PLCG2: variants seen among roughly 807,000 people sequenced by gnomAD.
PLCG2 encodes the protein phospholipase C gamma 2.
A neutral mutation model predicts 175.6 loss-of-function variants in PLCG2; 69 were observed. That is an observed-to-expected ratio of 0.39 (90% CI 0.32 to 0.48). PLCG2 has a LOEUF of 0.48. PLCG2 is among the 20% of genes least tolerant of loss of function. The probability of loss-of-function intolerance (pLI) is 0.91; values close to 1 mark genes in which losing one functional copy is unlikely to be tolerated. For synonymous variants in PLCG2, 827 were observed against 624.0 expected (o/e 1.33, Z -4.85); for missense variants, 1,798 against 1,650.9 (o/e 1.09, Z -1.54).
At chr16:81,776,520 G>C (rs1252313284), upstream of PLCG2, among the ~76,000 whole-genome samples, 1 of 152,132 alleles carries the variant, frequency 6.6e-6, no homozygotes, top group Admixed American at 6.5e-5. Flanking sequence ...TTACATTAGA[G>C]TCCTCCCAGA....
rs1343112968 is a variant in PLCG2 at position 81,760,146 on chromosome 16, G to A, written c.-48+4180G>A. ...AATTCATTCTAGTGTTAGGAAGAATGAGGAATTTATTAAAGGACATTAGGT... is the reference window on the plus strand; with the variant it reads ...AATTCATTCTAGTGTTAGGAAGAATAAGGAATTTATTAAAGGACATTAGGT... On this transcript the variant is annotated intron_variant, in intron 2 of 5. Transcript: ENST00000565054. 2.0e-5 allele frequency among the ~76,000 whole-genome samples: 3 copies of A among 152,310 alleles called. No homozygotes were observed. The East Asian group carries it at 5.8e-4, about 29-fold the overall frequency.
At chr16:81,789,456 A>G (rs950299846) in intron 2 of PLCG2, among the ~76,000 whole-genome samples, 1 of 152,004 alleles carries the variant, frequency 6.6e-6, no homozygotes, top group African/African-American at 2.4e-5. Flanking sequence ...TGCCTGGCTG[A>G]TTTTTTAACT....
chr16:81,860,143 C>CTATTATTAT (rs763477650), intron 5 of PLCG2, among the ~76,000 whole-genome samples: 2,168 of 126,326 alleles, frequency 0.017, 24 homozygotes, highest in East Asian at 0.023. Context: ...GGCTTATTTA[C>CTATTATTAT]TATTATTATT....
chr16:81,856,603 G>A (rs1220012369), intron 3 of PLCG2, among the ~76,000 whole-genome samples: 1 of 152,060 alleles, frequency 6.6e-6, no homozygotes, highest in Non-Finnish European at 1.5e-5. Flanking sequence ...TCCAGATTCT[G>A]CATTTTATTA....
At chr16:81,916,024 A>G (rs1032482489) in intron 19 of PLCG2, among the ~76,000 whole-genome samples, 1 of 152,190 alleles carries the variant, frequency 6.6e-6, no homozygotes, top group Non-Finnish European at 1.5e-5. Flanking sequence ...GTCTGTATCT[A>G]TGGAAAATAT....
chr16:81,935,397 T>C (rs922300457), intron 26 of PLCG2: 2 of 281,974 alleles, frequency 7.1e-6, no homozygotes, highest in Non-Finnish European at 5.3e-6. Flanking sequence ...GCTCCAGATA[T>C]TAGGGCCTGG....
intron 2 of PLCG2, among the ~76,000 whole-genome samples, chr16:81,802,387 C>A (rs993212200): frequency 7.9e-5 from 12 of 151,966 alleles, no homozygotes; most frequent in African/African-American, 2.7e-4. Flanking sequence ...GCTGGGATTA[C>A]AGGCGTGAGC....
intron 14 of PLCG2, among the ~76,000 whole-genome samples, chr16:81,903,524 C>T (rs1010483653): frequency 2.0e-5 from 3 of 152,184 alleles, no homozygotes; most frequent in Non-Finnish European, 2.9e-5. Flanking sequence ...AAGTGTGAGG[C>T]CTGGAGAAGT....
At chr16:81,911,520 C>T (rs968384088) in intron 18 of PLCG2, among the ~76,000 whole-genome samples, 1 of 152,094 alleles carries the variant, frequency 6.6e-6, no homozygotes, top group African/African-American at 2.4e-5. Context: ...TCGCAGCAGC[C>T]TCGAGCTCCT....
At position 81,961,806 on chromosome 16, in the gene PLCG2, G is replaced by C. The variant is rs535466400; in HGVS notation, c.*3808G>C. On this transcript the variant is annotated 3_prime_UTR_variant, in exon 33 of 33. Coordinates refer to ENST00000564138, the MANE Select transcript of PLCG2 (RefSeq NM_002661.5). ...AACATGTAGTGTCTACGGTATGCCA[G>C]CACTTTGCAGCTATTTATAATGAGA... is the stretch of plus-strand genomic sequence containing the variant. The C allele has an allele frequency of 4.9e-6, 1 of 202,998 alleles. No homozygotes were observed. Among genetic ancestry groups the C allele is most frequent in the Non-Finnish European group, 1.0e-5 (1 of 98,930 alleles). 12.6% of individuals were successfully genotyped at this position (202,998 alleles called of 1,614,324 possible).
chr16:81,814,120 C>G (rs1418431660), intron 2 of PLCG2, among the ~76,000 whole-genome samples: 1 of 152,090 alleles, frequency 6.6e-6, no homozygotes, highest in African/African-American at 2.4e-5. Context: ...GGAACCCAGG[C>G]TGGGGTCTGT....
chr16:81,787,871 A>G (rs1043978518), intron 2 of PLCG2, among the ~76,000 whole-genome samples: 5 of 152,066 alleles, frequency 3.3e-5, no homozygotes, highest in African/African-American at 9.7e-5. Flanking sequence ...GCATTTTTCA[A>G]GGTTCATCCA....
intron 2 of PLCG2, among the ~76,000 whole-genome samples, chr16:81,773,781 A>G (rs1478543018): frequency 1.3e-5 from 2 of 152,094 alleles, no homozygotes; most frequent in Non-Finnish European, 2.9e-5. Flanking sequence ...CCAAAGAAGA[A>G]AGTGAAGCTT....
chr16:81,890,184 C>T (rs1226960002), intron 10 of PLCG2, among the ~76,000 whole-genome samples: 1 of 152,156 alleles, frequency 6.6e-6, no homozygotes, highest in Non-Finnish European at 1.5e-5. Context: ...GAGGAAGTTG[C>T]TAATCTTGTA....
chr16:81,936,111 T>G, intron 26 of PLCG2, 58 bp from the exon 27 acceptor site: 1 of 1,595,240 alleles, frequency 6.3e-7, no homozygotes. Flanking sequence ...GCAGCAAACA[T>G]TAAGAAAATG....
chr16:81,907,594 G>A (rs978664520), intron 15 of PLCG2, 91 bp from the exon 16 acceptor site: 2 of 726,420 alleles, frequency 2.8e-6, no homozygotes, highest in Non-Finnish European at 4.8e-6. Context: ...ATCCATAGTA[G>A]ATGCTGGGGT....
chr16:81,910,111 G>T (rs1909553783), intron 17 of PLCG2, among the ~76,000 whole-genome samples: 1 of 152,022 alleles, frequency 6.6e-6, no homozygotes, highest in South Asian at 2.1e-4. Context: ...TTGTTGTTGA[G>T]ATGGAGTCTC....
intron 1 of PLCG2, among the ~76,000 whole-genome samples, chr16:81,780,007 C>T (rs886495953): frequency 1.1e-4 from 17 of 152,120 alleles, no homozygotes; most frequent in Non-Finnish European, 2.5e-4. Flanking sequence ...TTTTGGAATC[C>T]CAAAGAGGGC....
chr16:81,779,692 G>A (rs1299986198), intron 1 of PLCG2, among the ~76,000 whole-genome samples: 1 of 152,152 alleles, frequency 6.6e-6, no homozygotes, highest in Non-Finnish European at 1.5e-5. Context: ...CCCCAGCTTT[G>A]AATGGGGACC....
Sources: allele counts gnomAD v4.1 joint callset (sites outside exome capture counted in the v4.1 genomes callset), GRCh38; gene constraint gnomAD v4.1.1; transcripts MANE v1.5; gene names NCBI Gene and HGNC (gene_info 2026-07-23, HGNC 2026-07-21).